The following TRIM36 variants were observed in gnomAD, a reference collection of about 807,000 sequenced individuals.
TRIM36 encodes the protein tripartite motif containing 36.
In TRIM36, 42 loss-of-function variants were observed where a neutral mutation model predicts 72.4. That is an observed-to-expected ratio of 0.58 (90% CI 0.45 to 0.75). The LOEUF is 0.75. Among genes scored for constraint, TRIM36 ranks in the 30% least tolerant of loss-of-function variants. TRIM36 has a pLI of 0.00. For synonymous variants in TRIM36, 315 were observed against 282.8 expected, an observed-to-expected ratio of 1.11 and a Z score of -1.14; for missense variants, 913 against 857.1, an observed-to-expected ratio of 1.07 and a Z score of -0.81.
At chr5:115,143,234 A>C (rs1385304539) in intron 4 of TRIM36, among the ~76,000 whole-genome samples, 1 of 150,640 alleles carries the variant, frequency 6.6e-6, no homozygotes, top group Non-Finnish European at 1.5e-5. Flanking sequence ...AAAAAAAAAA[A>C]AAAAAAAAAA....
chr5:115,175,024 ATCTTAT>A (rs2126957118), intron 1 of TRIM36, among the ~76,000 whole-genome samples: 1 of 152,296 alleles, frequency 6.6e-6, no homozygotes, highest in African/African-American at 2.4e-5. Flanking sequence ...TGTTGACCAC[ATCTTAT>A]TATTCTTCCC....
chr5:115,130,340 A>C (rs377001978), intron 9 of TRIM36, among the ~76,000 whole-genome samples: 9 of 152,346 alleles, frequency 5.9e-5, no homozygotes, highest in African/African-American at 2.2e-4. Context: ...TCAAAATTTA[A>C]AACTGTGAAG....
intron 2 of TRIM36, among the ~76,000 whole-genome samples, chr5:115,151,954 T>C (rs1482372564): frequency 6.6e-6 from 1 of 152,076 alleles, no homozygotes; most frequent in Non-Finnish European, 1.5e-5. Context: ...CCTCTGGTAA[T>C]ATGACAAAAC....
At chr5:115,148,273 C>G in intron 2 of TRIM36, 1 of 894,928 alleles carries the variant, frequency 1.1e-6, no homozygotes, top group South Asian at 5.1e-5. Context: ...TTAAACATCA[C>G]ATTTTTGTTC....
chr5:115,127,438 G>A (rs957465250), intron 9 of TRIM36, among the ~76,000 whole-genome samples: 10 of 152,198 alleles, frequency 6.6e-5, no homozygotes. Flanking sequence ...GTGTACGCTT[G>A]TAGTCTCAGC....
chr5:115,166,509 G>A lies in TRIM36; in HGVS notation c.28-2757C>T, dbSNP rs370866728. On this transcript the variant is annotated intron_variant, in intron 1 of 9. Transcript: ENST00000513154. ...TGCAGAAAGCAGCTACCCATGACAG[G>A]TCTCCTGAGAGCTACTCTTTTGCTC... Among the ~76,000 whole-genome samples, 9 of 152,134 alleles carry A rather than the reference G, an allele frequency of 5.9e-5. No homozygotes were observed. In the South Asian group the frequency reaches 1.7e-3, roughly 28 times the overall value.
chr5:115,130,768 G>C lies in TRIM36; in HGVS notation c.1620C>G (p.Ile540Met), dbSNP rs1474925073. 6.2e-7 allele frequency: 1 copy of C among 1,614,068 alleles called. No individual in the cohort carries two copies. The highest frequency in any genetic ancestry group is 8.5e-7 in the Non-Finnish European group (1 of 1,180,034). The change falls in exon 9 of 10, where the codon ATC becomes ATG. Residue 540 changes from isoleucine (I) to methionine (M), a missense_variant. By Grantham distance (10) the Ile-to-Met change is conservative (BLOSUM62 1). Coordinates refer to ENST00000513154, the MANE Select transcript of TRIM36 (RefSeq NM_001300759.2). ...GFNLLLAAER[I>M]QVGYYTSLDY... ...CTAAGCTTGTGTAATAACCCACTTG[G>C]ATGCGTTCTGCAGCAAGCAGAAGAT...
upstream of TRIM36, chr5:115,171,340 C>A: frequency 7.0e-7 from 1 of 1,429,166 alleles, no homozygotes. Context: ...GGTAATAATG[C>A]CTGGGCTGTT....
At chr5:115,163,425 G>T (rs1754591496) in intron 2 of TRIM36, 93 bp downstream of exon 2, 2 of 1,094,198 alleles carry the variant, frequency 1.8e-6, no homozygotes, top group Admixed American at 2.2e-5. Flanking sequence ...TAACTCTCAA[G>T]ATGACAAAAA....
chr5:115,163,467 A>G (rs1754593029), intron 2 of TRIM36, 51 bp downstream of exon 2: 8 of 1,472,838 alleles, frequency 5.4e-6, no homozygotes, highest in Non-Finnish European at 7.6e-6. Context: ...CTGAATATAT[A>G]TCTATAAGCT....
intron 2 of TRIM36, among the ~76,000 whole-genome samples, chr5:115,160,996 T>A (rs1162344972): frequency 6.6e-6 from 1 of 152,248 alleles, no homozygotes; most frequent in African/African-American, 2.4e-5. Context: ...CAATGACTTC[T>A]ACTAGTTTAA....
rs1022515916 is a variant in TRIM36, at chr5:115,133,857, T to C, written c.1498+3A>G. ...CTTTTTTTATTCCTGATATTCACCA[T>C]ACCTGGAGCTGGAGGAGTATGAAGA... On this transcript the variant is annotated splice_donor_region_variant and intron_variant, in intron 8 of 9. Transcript: ENST00000513154. The C allele has an allele frequency of 3.8e-6, 6 of 1,577,160 alleles. No individual in the cohort carries two copies. Among genetic ancestry groups the C allele is most frequent in the Non-Finnish European group, 5.2e-6 (6 of 1,164,526 alleles).
intron 7 of TRIM36, among the ~76,000 whole-genome samples, chr5:115,134,860 T>C (rs1175459147): frequency 6.6e-6 from 1 of 152,228 alleles, no homozygotes; most frequent in Non-Finnish European, 1.5e-5. Context: ...TATTTTATCA[T>C]TTCTTTGCAT....
intron 8 of TRIM36, among the ~76,000 whole-genome samples, chr5:115,131,910 G>A (rs183619669): frequency 6.6e-6 from 1 of 152,300 alleles, no homozygotes; most frequent in African/African-American, 2.4e-5. Context: ...AATGGGTACA[G>A]GGTTTCAGTT....
At chr5:115,138,498 C>A (rs1753092705) in intron 5 of TRIM36, among the ~76,000 whole-genome samples, 3 of 152,148 alleles carry the variant, frequency 2.0e-5, no homozygotes, top group Admixed American at 2.0e-4. Flanking sequence ...ATAATTAAAT[C>A]CTGACTTAGC....
intron 2 of TRIM36, among the ~76,000 whole-genome samples, chr5:115,157,586 G>T (rs1754245941): frequency 6.6e-6 from 1 of 151,938 alleles, no homozygotes; most frequent in Non-Finnish European, 1.5e-5. Flanking sequence ...TACTAAAAGT[G>T]GAACTACCAT....
chr5:115,172,045 TTG>T (rs774095828), upstream of TRIM36, among the ~76,000 whole-genome samples: 42 of 152,350 alleles, frequency 2.8e-4, no homozygotes, highest in Non-Finnish European at 5.4e-4. Context: ...TGTTTTAATT[TTG>T]TGTTTGTAAA....
intron 4 of TRIM36, among the ~76,000 whole-genome samples, chr5:115,143,459 C>A (rs1753395766): frequency 6.6e-6 from 1 of 151,446 alleles, no homozygotes; most frequent in Admixed American, 6.6e-5. Context: ...TCAAAAATTA[C>A]CAGGCATGCA....
At chr5:115,148,156 T>C (rs146003212) in intron 2 of TRIM36, among the ~76,000 whole-genome samples, 1 of 152,288 alleles carries the variant, frequency 6.6e-6, no homozygotes, top group African/African-American at 2.4e-5. Context: ...AATAACTTCT[T>C]ATGACCTGAA....
Sources: gnomAD v4.1 joint callset for allele counts (sites outside exome capture counted in the v4.1 genomes callset) on GRCh38, gnomAD v4.1.1 for gene constraint, MANE v1.5 for transcripts, NCBI Gene and HGNC (gene_info 2026-07-23, HGNC 2026-07-21) for gene names.